Variants in FNBP4 observed in about 807,000 individuals in gnomAD.
FNBP4 encodes the protein formin-binding protein 4.
A neutral mutation model predicts 119.3 loss-of-function variants in FNBP4; 34 were observed. That is an observed-to-expected ratio of 0.28 (90% CI 0.22 to 0.38). The LOEUF is 0.38. Among genes scored for constraint, FNBP4 ranks in the 10% least tolerant of loss-of-function variants. The pLI, the probability that FNBP4 is intolerant of heterozygous loss-of-function variation, is 1.00. For synonymous variants in FNBP4, 462 were observed against 430.6 expected (o/e 1.07, Z -0.90); for missense variants, 1,112 against 1,228.9 (o/e 0.90, Z 1.42).
intron 12 of FNBP4, 116 bp from the exon 13 acceptor site, chr11:47,724,894 A>G (rs2097559358): frequency 2.9e-6 from 4 of 1,381,122 alleles, no homozygotes; most frequent in Non-Finnish European, 3.8e-6. Context: ...AGCACAGTGT[A>G]CAAAACAATA....
rs56258205 is a variant in FNBP4 at position 47,727,251 on chromosome 11, C to CT, written c.2009-2474dup. On this transcript the variant is annotated intron_variant, in intron 12 of 16. Transcript: ENST00000263773. ...AATATGTGAATCCAATACTTTTCTT[C>CT]TTTTTTTTTTTTTTTTGTGACGGAG... Among the ~76,000 whole-genome samples, 1,180 of 137,918 alleles carry CT rather than the reference C, an allele frequency of 8.6e-3. 20 individuals carry two copies. The highest frequency in any genetic ancestry group is 0.023 in the African/African-American group (861 of 37,842). 90.5% of individuals were successfully genotyped at this position (137,918 alleles called of 152,430 possible). A position where few individuals can be genotyped will look rare whatever the true frequency, so the allele number is the denominator to read the frequency against.
At chr11:47,766,372 C>T (rs1376206401) in intron 1 of FNBP4, among the ~76,000 whole-genome samples, 4 of 152,286 alleles carry the variant, frequency 2.6e-5, no homozygotes, top group Admixed American at 2.6e-4. Context: ...CAAATACATA[C>T]AAAAACAGTA....
chr11:47,723,158 C>T lies in FNBP4; in HGVS notation c.2623G>A (p.Ala875Thr). The change falls in exon 15 of 17, where the codon GCA becomes ACA. Residue 875 changes from alanine (A) to threonine (T), a missense_variant. By Grantham distance (58) the Ala-to-Thr change is moderately conservative. Around this residue, in one of 2 missense-constraint regions of FNBP4, gnomAD observed 826 missense variants for 988.8 expected, o/e 0.84. Transcript: ENST00000263773. ...ACTCCAATTGGGACAGAACATTCTG[C>T]ATAACTCATAATTGCAGGTGCTGCC... ...LAAAPAIMSY[A>T]ECSVPIGVTA... 2 of 1,614,022 alleles carry T rather than the reference C, an allele frequency of 1.2e-6. No homozygotes were observed. The highest frequency in any genetic ancestry group is 8.5e-7 in the Non-Finnish European group (1 of 1,180,010).
At chr11:47,731,755 GCCAGCAACTCTGTGAATACAGCCCTGA>G in intron 11 of FNBP4, 194 bp from the exon 12 acceptor site, 1 of 1,346,854 alleles carries the variant, frequency 7.4e-7, no homozygotes, top group East Asian at 2.9e-5. Context: ...TATTTGCACT[GCCAGCAACTCTGTGAATACAGCCCTGA>G]ACCCTCTCAC....
chr11:47,746,301 T>C lies in FNBP4; in HGVS notation c.1000A>G (p.Ile334Val). ...SLLAPLLPEG[I>V]KEEEERWRRK... is the part of the protein sequence containing the mutation. ...CTCCATCTCTCTTCTTCTTCTTTTA[T>C]TCCCTCAGGCAATAAAGGAGCAAGC... The change falls in exon 7 of 17, where the codon ATA becomes GTA. Residue 334 changes from isoleucine (I) to valine (V), a missense_variant. Coordinates refer to ENST00000263773, the MANE Select transcript of FNBP4 (RefSeq NM_015308.5). 1.2e-6 allele frequency: 2 copies of C among 1,614,150 alleles called. No homozygotes were observed. The highest frequency in any genetic ancestry group is 1.1e-5 in the South Asian group (1 of 91,084).
intron 7 of FNBP4, among the ~76,000 whole-genome samples, chr11:47,745,742 C>T (rs2097589055): frequency 6.6e-6 from 1 of 152,022 alleles, no homozygotes; most frequent in Non-Finnish European, 1.5e-5. Context: ...GTGATGTCAC[C>T]CCCGGCGGCC....
chr11:47,758,257 G>C (rs532716394), intron 2 of FNBP4, among the ~76,000 whole-genome samples: 1 of 152,178 alleles, frequency 6.6e-6, no homozygotes, highest in South Asian at 2.1e-4. Context: ...GCTAACTTTG[G>C]TAGAGACGGG....
chr11:47,717,768 G>A (rs150522583), intron 16 of FNBP4, among the ~76,000 whole-genome samples: 1 of 152,114 alleles, frequency 6.6e-6, no homozygotes, highest in Admixed American at 6.5e-5. Flanking sequence ...GACTGATTGA[G>A]ACGGAATTTT....
rs192108874 is a variant in FNBP4 at position 47,728,065 on chromosome 11, G to A, written c.2009-3287C>T. Among the ~76,000 whole-genome samples, 299 of 151,694 alleles carry A rather than the reference G, an allele frequency of 2.0e-3. 2 individuals carry two copies. The highest frequency in any genetic ancestry group is 6.9e-3 in the African/African-American group (287 of 41,302). Reference sequence around the variant, plus strand: ...CTAATTTTGTATTTTTAGTAGAGGCGGGGTTTCTACATATTGGGTAAGCTG... The same window carrying A: ...CTAATTTTGTATTTTTAGTAGAGGCAGGGTTTCTACATATTGGGTAAGCTG... On this transcript the variant is annotated intron_variant, in intron 12 of 16. Coordinates refer to ENST00000263773, the MANE Select transcript of FNBP4 (RefSeq NM_015308.5).
chr11:47,756,183 T>G (rs535509439), intron 2 of FNBP4, among the ~76,000 whole-genome samples: 1 of 152,190 alleles, frequency 6.6e-6, no homozygotes, highest in African/African-American at 2.4e-5. Flanking sequence ...AATGCTGCTA[T>G]GCCATTTCCT....
intron 2 of FNBP4, among the ~76,000 whole-genome samples, chr11:47,755,159 A>T (rs1343670164): frequency 1.5e-5 from 2 of 133,084 alleles, no homozygotes; most frequent in Non-Finnish European, 1.6e-5. Flanking sequence ...AAAAAAAAAA[A>T]TTGATCTGGG....
intron 13 of FNBP4, 143 bp downstream of exon 13, chr11:47,724,325 T>G: frequency 2.6e-6 from 4 of 1,525,724 alleles, no homozygotes; most frequent in Non-Finnish European, 3.5e-6. Flanking sequence ...TAAGCAATCC[T>G]CCTGCTTCGA....
intron 8 of FNBP4, among the ~76,000 whole-genome samples, chr11:47,738,781 A>C (rs2097577597): frequency 6.6e-6 from 1 of 150,644 alleles, no homozygotes; most frequent in Non-Finnish European, 1.5e-5. Flanking sequence ...CCTGGGTTCA[A>C]GCAATTCTCC....
Position 47,724,524 on chromosome 11 carries a change from T to C in FNBP4, c.2263A>G (p.Thr755Ala), listed in dbSNP as rs376969869. The change falls in exon 13 of 17, where the codon ACA (threonine) becomes GCA (alanine). Residue 755 changes from threonine (T) to alanine (A), a missense_variant. Thr to Ala is a moderately conservative substitution (Grantham distance 58). Coordinates refer to ENST00000263773, the MANE Select transcript of FNBP4 (RefSeq NM_015308.5). ...EGSEEPPAPG[T>A]EEDTPLKPSA... ...GGTTTCAAAGGGGTATCTTCCTCTG[T>C]TCCTGGGGCAGGGGGCTCCTCACTT... is the stretch of plus-strand genomic sequence containing the variant. The C allele has an allele frequency of 7.4e-6, 12 of 1,614,124 alleles. No homozygotes were observed. Among genetic ancestry groups the C allele is most frequent in the African/African-American group, 1.3e-5 (1 of 74,948 alleles).
intron 10 of FNBP4, among the ~76,000 whole-genome samples, chr11:47,733,120 A>T (rs1004971968): frequency 6.6e-6 from 1 of 152,222 alleles, no homozygotes; most frequent in African/African-American, 2.4e-5. Flanking sequence ...CTCCGTCTCA[A>T]AAAACATCCC....
intron 2 of FNBP4, among the ~76,000 whole-genome samples, chr11:47,757,678 G>C (rs1565163304): frequency 6.6e-6 from 1 of 151,196 alleles, no homozygotes; most frequent in Non-Finnish European, 1.5e-5. Context: ...ATTTTTAGTA[G>C]AGATGGGGTT....
intron 2 of FNBP4, among the ~76,000 whole-genome samples, chr11:47,755,874 ACT>A (rs2097616613): frequency 6.6e-6 from 1 of 152,114 alleles, no homozygotes; most frequent in Non-Finnish European, 1.5e-5. Context: ...ATTCAATCTC[ACT>A]CTCTTTCCAA....
At chr11:47,766,974 C>T in intron 1 of FNBP4, 95 bp downstream of exon 1, 1 of 1,412,430 alleles carries the variant, frequency 7.1e-7, no homozygotes, top group Non-Finnish European at 9.1e-7. Context: ...GGAAGCCGAC[C>T]TCGCCCGCCT....
intron 8 of FNBP4, among the ~76,000 whole-genome samples, chr11:47,738,847 ATTTTTTT>A (rs71045510): frequency 2.5e-4 from 28 of 110,978 alleles, no homozygotes; most frequent in East Asian, 8.4e-4. Context: ...TGCCCAGGTA[ATTTTTTT>A]TTTTTTTTTT....
Sources: allele counts gnomAD v4.1 joint callset (sites outside exome capture counted in the v4.1 genomes callset), GRCh38; gene constraint gnomAD v4.1.1; regional missense constraint gnomAD v4.1.1; transcripts MANE v1.5; gene names NCBI Gene and HGNC (gene_info 2026-07-23, HGNC 2026-07-21).